Variants in HIVEP3 observed in about 807,000 individuals in gnomAD.
HIVEP3 encodes transcription factor HIVEP3.
A neutral mutation model predicts 152.8 loss-of-function variants in HIVEP3; 49 were observed. The observed-to-expected ratio is 0.32, with a 90% confidence interval of 0.26 to 0.41. HIVEP3 has a LOEUF of 0.41. Among genes scored for constraint, HIVEP3 ranks in the 10% least tolerant of loss-of-function variants. HIVEP3 has a pLI of 1.00. For missense variants in HIVEP3, 2,790 were observed against 3,103.3 expected (o/e 0.90, Z 2.40); for synonymous variants, 1,269 against 1,289.0 (o/e 0.98, Z 0.33).
intron 1 of HIVEP3, among the ~76,000 whole-genome samples, chr1:41,948,485 T>G (rs1378794680): frequency 6.6e-6 from 1 of 151,678 alleles, no homozygotes; most frequent in African/African-American, 2.4e-5. Flanking sequence ...GCCAGAGTCA[T>G]CAGAAAGAAA....
Position 41,581,811 on chromosome 1 carries a change from C to T in HIVEP3, c.2987G>A (p.Ser996Asn), listed in dbSNP as rs753183109. Reference sequence around the variant, plus strand: ...GTGGGCAGAATGGGAAACGTTGGGGCTCTGCTCTGAGGCTGACCTCCGCAT... The same window carrying T: ...GTGGGCAGAATGGGAAACGTTGGGGTTCTGCTCTGAGGCTGACCTCCGCAT... ...REMRRSASEQSPNVSHSAHMT... is the reference protein window; with the variant it reads ...REMRRSASEQNPNVSHSAHMT... The change falls in exon 4 of 9, where the codon AGC becomes AAC. Residue 996 changes from serine to asparagine, a missense_variant. Transcript: ENST00000372583. This position sits in a 1 kb window ranked among gnomAD's most constrained non-coding sequence, Gnocchi z 4.5. 1.3e-6 allele frequency: 2 copies of T among 1,588,184 alleles called. No homozygotes were observed. The highest frequency in any genetic ancestry group is 1.7e-6 in the Non-Finnish European group (2 of 1,166,940).
Position 41,996,879 on chromosome 1 carries a change from G to A in HIVEP3, n.119+38928C>T, listed in dbSNP as rs192754014. ...CTTTTCCAGCCACCTGCATTCCTCG[G>A]CCCATGGCCCCTTCTACCATCTTTG... On this transcript the variant is annotated intron_variant and non_coding_transcript_variant, in intron 1 of 3. Coordinates refer to the HIVEP3 transcript ENST00000489103. Among the ~76,000 whole-genome samples, 13 of 152,170 alleles carry A rather than the reference G, an allele frequency of 8.5e-5. No individual in the cohort carries two copies. In the East Asian group the frequency reaches 2.5e-3, roughly 29 times the overall value.
intron 2 of HIVEP3, among the ~76,000 whole-genome samples, chr1:41,643,600 G>A (rs1162798832): frequency 6.6e-6 from 1 of 152,230 alleles, no homozygotes; most frequent in Non-Finnish European, 1.5e-5. Context: ...TACACAGTCT[G>A]CCTGGACCAA....
chr1:41,751,608 A>T (rs1334660543), intron 1 of HIVEP3, among the ~76,000 whole-genome samples: 1 of 151,992 alleles, frequency 6.6e-6, no homozygotes, highest in Non-Finnish European at 1.5e-5. Context: ...GCGTTCTTCA[A>T]CCTTTCCCCT....
chr1:41,694,487 C>T (rs945365149), intron 2 of HIVEP3, among the ~76,000 whole-genome samples: 9 of 152,184 alleles, frequency 5.9e-5, no homozygotes, highest in African/African-American at 1.9e-4. Flanking sequence ...GAAAGACATC[C>T]TCCTGGAAAG....
chr1:41,611,975 G>T (rs1644904825), intron 3 of HIVEP3, among the ~76,000 whole-genome samples: 1 of 151,948 alleles, frequency 6.6e-6, no homozygotes, highest in Non-Finnish European at 1.5e-5. Flanking sequence ...CTTCTTGATG[G>T]CCCAGGCTTT....
intron 1 of HIVEP3, among the ~76,000 whole-genome samples, chr1:41,897,536 T>C (rs1644548912): frequency 1.3e-5 from 2 of 152,210 alleles, no homozygotes; most frequent in Admixed American, 6.5e-5. Flanking sequence ...TGCTGGTGCC[T>C]TGACCTTGGA....
rs564886161 is a variant in HIVEP3, at chr1:42,023,969, G to A, written n.119+11838C>T. ...GTGTCTCCTTCGTAATAAATCCAGA[G>A]TCTGTAAATGTAAAGTAGTGTTTTT... On this transcript the variant is annotated intron_variant and non_coding_transcript_variant, in intron 1 of 3. Coordinates refer to the HIVEP3 transcript ENST00000489103. Among the ~76,000 whole-genome samples, 15 of 152,268 alleles carry A rather than the reference G, an allele frequency of 9.9e-5. No homozygotes were observed. In the East Asian group the frequency reaches 2.9e-3, roughly 29 times the overall value.
At chr1:41,529,613 ACT>A (rs1457116258) in intron 5 of HIVEP3, among the ~76,000 whole-genome samples, 2 of 69,400 alleles carry the variant, frequency 2.9e-5, no homozygotes, top group Admixed American at 1.6e-4. Context: ...CACTCACATC[ACT>A]CACCCCACAC....
intron 1 of HIVEP3, among the ~76,000 whole-genome samples, chr1:41,706,897 C>T (rs529753273): frequency 7.2e-5 from 11 of 152,202 alleles, no homozygotes; most frequent in Non-Finnish European, 8.8e-5. Context: ...GTTAAGCTAT[C>T]GTTCTATAAA....
At chr1:41,891,572 C>T (rs1002736837) in intron 1 of HIVEP3, among the ~76,000 whole-genome samples, 3 of 152,180 alleles carry the variant, frequency 2.0e-5, no homozygotes, top group African/African-American at 4.8e-5. Flanking sequence ...AGGCTGTCAT[C>T]GGTGTGTCCC....
Position 41,581,284 on chromosome 1 carries a change from G to T in HIVEP3, c.3514C>A (p.Leu1172Met). The T allele has an allele frequency of 6.2e-7, 1 of 1,610,428 alleles. No individual in the cohort carries two copies. The highest frequency in any genetic ancestry group is 8.5e-7 in the Non-Finnish European group (1 of 1,178,374). The stretch of plus-strand genomic sequence containing the variant: ...GGGGGCATGGAGTATGGTGAGGACA[G>T]GAGGCTGGACATGGCCTGGGTGGAG... ...FFSTQAMSSL[L>M]SSPYSMPPLP... Residue 1172 changes from leucine to methionine, a missense_variant, in exon 4 of 9, where the codon CTG becomes ATG. Physicochemically the swap from Leu to Met is conservative, Grantham distance 15 (BLOSUM62 2). This residue lies in a region of HIVEP3 where 1,078 missense variants were observed against 1,165.3 expected (regional missense o/e 0.93). Transcript: ENST00000372583. The surrounding 1 kb of genome is among the most constrained non-coding windows in gnomAD (Gnocchi z 4.5).
chr1:41,938,352 T>G (rs1645029746), intron 1 of HIVEP3, among the ~76,000 whole-genome samples: 1 of 152,194 alleles, frequency 6.6e-6, no homozygotes, highest in Admixed American at 6.5e-5. Flanking sequence ...GTTCACCCAT[T>G]TGTCCCCAGC....
chr1:42,020,068 G>C (rs1019372245), intron 1 of HIVEP3, among the ~76,000 whole-genome samples: 1 of 151,852 alleles, frequency 6.6e-6, no homozygotes, highest in African/African-American at 2.4e-5. Context: ...TGGTTATAAT[G>C]TATTATCTTT....
chr1:41,846,262 T>C (rs778174479), intron 1 of HIVEP3, among the ~76,000 whole-genome samples: 1 of 152,226 alleles, frequency 6.6e-6, no homozygotes, highest in Admixed American at 6.5e-5. Context: ...GAAATGTGCA[T>C]GTTACTTTTA....
At chr1:41,943,051 C>A (rs1203042506) in intron 1 of HIVEP3, among the ~76,000 whole-genome samples, 2 of 152,158 alleles carry the variant, frequency 1.3e-5, no homozygotes, top group African/African-American at 4.8e-5. Context: ...AGGCGCCCGC[C>A]ATCACGCCCA....
intron 2 of HIVEP3, among the ~76,000 whole-genome samples, chr1:41,638,671 A>G (rs1424990612): frequency 6.6e-6 from 1 of 152,240 alleles, no homozygotes; most frequent in Non-Finnish European, 1.5e-5. Context: ...GCACCCACCC[A>G]GGGCAGGAAG....
chr1:41,629,033 A>G (rs1425391516), intron 2 of HIVEP3, 86 bp from the exon 3 acceptor site: 25 of 1,031,732 alleles, frequency 2.4e-5, no homozygotes, highest in Non-Finnish European at 3.1e-5. Context: ...TGGTCCCTGG[A>G]GGACACACCC....
intron 2 of HIVEP3, among the ~76,000 whole-genome samples, chr1:41,645,302 C>T (rs1440228601): frequency 6.6e-6 from 1 of 152,174 alleles, no homozygotes; most frequent in Non-Finnish European, 1.5e-5. Context: ...TGTGATCTGA[C>T]CGCCACACAG....
Sources: allele counts gnomAD v4.1 joint callset (sites outside exome capture counted in the v4.1 genomes callset), GRCh38; gene constraint gnomAD v4.1.1; regional missense constraint gnomAD v4.1.1; non-coding constraint Gnocchi (gnomAD v3.1); transcripts MANE v1.5; gene names NCBI Gene and HGNC (gene_info 2026-07-23, HGNC 2026-07-21).